The following ARL13B variants were observed in gnomAD, a reference collection of about 807,000 sequenced individuals.
ARL13B encodes ARF like GTPase 13B, also known as ADP-ribosylation factor-like protein 13B.
A neutral mutation model predicts 56.1 loss-of-function variants in ARL13B; 36 were observed. The ratio of observed to expected loss-of-function variants is 0.64; its 90% CI spans 0.49 to 0.85. ARL13B has a LOEUF of 0.85. Ranked by LOEUF, ARL13B falls within the 40% of genes least tolerant of loss-of-function variation. The pLI is 0.00. For missense variants in ARL13B, 519 were observed against 507.1 expected, an observed-to-expected ratio of 1.02 and a Z score of -0.23; for synonymous variants, 178 against 171.1, an observed-to-expected ratio of 1.04 and a Z score of -0.32.
At chr3:94,012,238 C>G (rs996190621) in intron 3 of ARL13B, among the ~76,000 whole-genome samples, 12 of 152,118 alleles carry the variant, frequency 7.9e-5, no homozygotes, top group Non-Finnish European at 1.8e-4. Context: ...TACTTCTGGT[C>G]CTGACATATC....
intron 2 of ARL13B, among the ~76,000 whole-genome samples, chr3:94,001,590 T>G (rs1196042014): frequency 6.6e-6 from 1 of 152,206 alleles, no homozygotes; most frequent in Non-Finnish European, 1.5e-5. Flanking sequence ...TAGCTTATTT[T>G]TTTTAAAGAA....
At position 94,053,252 on chromosome 3, in the gene ARL13B, G is replaced by A. The variant is rs542576070; in HGVS notation, c.1276G>A (p.Val426Met). ...PQRPNSDAHD[V>M]IS ...GCGACCTAACAGTGATGCTCATGAT[G>A]TGATCTCATAAACAAGACGTATGGA... Residue 426 changes from valine (V) to methionine (M), a missense_variant, in exon 10 of 10, where the codon GTG becomes ATG. By Grantham distance (21) the Val-to-Met change is conservative. Coordinates refer to ENST00000394222, the MANE Select transcript of ARL13B (RefSeq NM_001174150.2). The A allele has an allele frequency of 3.7e-6, 6 of 1,613,256 alleles. No homozygotes were observed. The highest frequency in any genetic ancestry group is 4.5e-5 in the East Asian group (2 of 44,846).
At chr3:94,005,000 T>C (rs761828984) in intron 3 of ARL13B, among the ~76,000 whole-genome samples, 10 of 152,162 alleles carry the variant, frequency 6.6e-5, no homozygotes, top group Non-Finnish European at 1.3e-4. Flanking sequence ...TGATGGTTAT[T>C]TGTAAAACAA....
rs531990222 is a variant in ARL13B at position 93,981,368 on chromosome 3, GT to G, written c.59+897del. 4.3e-4 allele frequency among the ~76,000 whole-genome samples: 62 copies of G among 145,286 alleles called. No homozygotes were observed. In the South Asian group the frequency reaches 4.3e-3, roughly 10 times the overall value. On this transcript the variant is annotated intron_variant, in intron 1 of 9. Transcript: ENST00000394222. ...GCCAAGGGTAAGATAAAGCAAAGTT[GT>G]TTTTTTTTTTAAATTGTTAACATTT...
chr3:93,999,899 C>T (rs2076025599), intron 2 of ARL13B, among the ~76,000 whole-genome samples: 1 of 152,174 alleles, frequency 6.6e-6, no homozygotes, highest in African/African-American at 2.4e-5. Context: ...TTGTCAGCTC[C>T]ATCGTGTTAG....
chr3:94,024,669 T>G (rs1309014978), intron 3 of ARL13B, among the ~76,000 whole-genome samples: 3 of 152,184 alleles, frequency 2.0e-5, no homozygotes, highest in Non-Finnish European at 4.4e-5. Flanking sequence ...CACTGCAGCC[T>G]CTACCTCCCA....
At chr3:94,019,933 C>T (rs1028543259) in intron 3 of ARL13B, among the ~76,000 whole-genome samples, 1 of 152,220 alleles carries the variant, frequency 6.6e-6, no homozygotes, top group Non-Finnish European at 1.5e-5. Context: ...TGAAATGTCA[C>T]TCCTGAGTTA....
chr3:94,053,679 G>A lies in ARL13B; in HGVS notation c.*416G>A. On this transcript the variant is annotated 3_prime_UTR_variant, in exon 10 of 10. Transcript: ENST00000394222. ...TATGCACATAGAAGGGGGACTTCTA[G>A]GAATTTATAACCAAAATTTTAAAAC... The A allele has an allele frequency of 3.3e-6, 1 of 305,876 alleles. No homozygotes were observed. The allele number at this position is 305,876 out of a possible 1,614,324, so 18.9% of individuals were successfully genotyped here. A position where few individuals can be genotyped will look rare whatever the true frequency, so the allele number is the denominator to read the frequency against.
In ARL13B at chr3:94,055,483, G is replaced by GT. The variant is rs2077128470; in HGVS notation, c.*2220_*2221insT. The GT allele has an allele frequency of 2.2e-6, 1 of 453,740 alleles. No homozygotes were observed. The highest frequency in any genetic ancestry group is 2.0e-5 in the African/African-American group (1 of 49,976). The allele number at this position is 453,740 out of a possible 1,614,324, so 28.1% of individuals were successfully genotyped here. A position where few individuals can be genotyped will look rare whatever the true frequency, so the allele number is the denominator to read the frequency against. On this transcript the variant is annotated 3_prime_UTR_variant, in exon 10 of 10. Coordinates refer to ENST00000394222, the MANE Select transcript of ARL13B (RefSeq NM_001174150.2). Reference sequence around the variant, plus strand: ...GAAAGAATTTGTGATTTTAAATGCAGCTACAAATAGCATTTCACCATATGA... The same window carrying GT: ...GAAAGAATTTGTGATTTTAAATGCAGTCTACAAATAGCATTTCACCATATGA...
At chr3:94,041,065 AG>A (rs1172320478) in intron 6 of ARL13B, among the ~76,000 whole-genome samples, 2 of 151,964 alleles carry the variant, frequency 1.3e-5, no homozygotes, top group African/African-American at 4.8e-5. Flanking sequence ...AAGAAATAAA[AG>A]CAAATTAGCT....
At chr3:94,036,017 G>A (rs1331808198) in intron 4 of ARL13B, among the ~76,000 whole-genome samples, 2 of 152,112 alleles carry the variant, frequency 1.3e-5, no homozygotes, top group Non-Finnish European at 2.9e-5. Context: ...AGGCTGCAGT[G>A]AGTTCTAATT....
intron 3 of ARL13B, among the ~76,000 whole-genome samples, chr3:94,011,474 G>A (rs1257440826): frequency 6.6e-6 from 1 of 152,074 alleles, no homozygotes; most frequent in Non-Finnish European, 1.5e-5. Context: ...GTTTTTGCCT[G>A]AGTTCTTTAA....
chr3:94,026,181 G>A (rs531396170), intron 3 of ARL13B, among the ~76,000 whole-genome samples: 23 of 152,096 alleles, frequency 1.5e-4, no homozygotes, highest in African/African-American at 4.8e-4. Flanking sequence ...CACCACACCC[G>A]ACTAACTTTT....
At chr3:94,022,054 A>G (rs376231136) in intron 3 of ARL13B, among the ~76,000 whole-genome samples, 11 of 152,048 alleles carry the variant, frequency 7.2e-5, no homozygotes, top group Admixed American at 4.6e-4. Flanking sequence ...CTCCTTAGCT[A>G]TATGTTGCAT....
At chr3:93,995,998 A>G in intron 2 of ARL13B, 54 bp downstream of exon 2, 6 of 1,541,860 alleles carry the variant, frequency 3.9e-6, no homozygotes, top group Non-Finnish European at 8.9e-7. Flanking sequence ...ATTCTGAATT[A>G]TTTATTTTGT....
At position 94,005,962 on chromosome 3, in the gene ARL13B, A is replaced by C. The variant is rs145485402; in HGVS notation, c.380+2054A>C. 3.1e-3 allele frequency among the ~76,000 whole-genome samples: 476 copies of C among 152,312 alleles called. 3 individuals are homozygous for C. The highest frequency in any genetic ancestry group is 0.011 in the African/African-American group (446 of 41,568). ...TAGCATTTTGATGAATTTCCTATGC[A>C]TGTATATTTATGAGACAAGTAATGT... On this transcript the variant is annotated intron_variant, in intron 3 of 9. Transcript: ENST00000394222.
chr3:94,000,114 C>T (rs2076029167), intron 2 of ARL13B, among the ~76,000 whole-genome samples: 1 of 152,158 alleles, frequency 6.6e-6, no homozygotes, highest in African/African-American at 2.4e-5. Context: ...CAGTGGTGTT[C>T]TGGACCTGCT....
At chr3:94,038,584 C>T (rs1486901250) in intron 5 of ARL13B, among the ~76,000 whole-genome samples, 1 of 127,508 alleles carries the variant, frequency 7.8e-6, no homozygotes, top group Non-Finnish European at 1.5e-5. Flanking sequence ...AGTGCAATGG[C>T]GCAGTCTCGG....
chr3:93,991,177 G>A (rs1291319526), intron 1 of ARL13B, among the ~76,000 whole-genome samples: 1 of 152,064 alleles, frequency 6.6e-6, no homozygotes, highest in Non-Finnish European at 1.5e-5. Context: ...TTTATTGCTA[G>A]TGTCAACTTT....
Sources: gnomAD v4.1 joint callset for allele counts (sites outside exome capture counted in the v4.1 genomes callset) on GRCh38, gnomAD v4.1.1 for gene constraint, MANE v1.5 for transcripts, NCBI Gene and HGNC (gene_info 2026-07-23, HGNC 2026-07-21) for gene names.